DCPS: variants seen among roughly 807,000 people sequenced by gnomAD.
The protein encoded by DCPS is m7GpppX diphosphatase.
In DCPS, 27 loss-of-function variants were observed where a neutral mutation model predicts 34.7. The observed-to-expected ratio is 0.78, with a 90% confidence interval of 0.57 to 1.07. The LOEUF (loss-of-function observed/expected upper bound fraction) is 1.07. DCPS is among the 50% of genes least tolerant of loss of function. DCPS has a pLI of 0.00. For missense variants in DCPS, 464 were observed against 436.9 expected, an observed-to-expected ratio of 1.06 and a Z score of -0.55; for synonymous variants, 185 against 185.7, an observed-to-expected ratio of 1.00 and a Z score of 0.03.
Position 126,313,211 on chromosome 11 carries a change from G to C in DCPS, c.376+6467G>C, listed in dbSNP as rs1018621508. On this transcript the variant is annotated intron_variant, in intron 2 of 5. Transcript: ENST00000263579. This position sits in a 1 kb window ranked among gnomAD's most constrained non-coding sequence, Gnocchi z 4.9. ...AGGCATTTGTGAGTGAGGCCAGGGCGGGGAGCAGAGGGGTGGGATCCTGGG... is the reference window on the plus strand; with the variant it reads ...AGGCATTTGTGAGTGAGGCCAGGGCCGGGAGCAGAGGGGTGGGATCCTGGG... Among the ~76,000 whole-genome samples the C allele has an allele frequency of 3.3e-5, 5 of 152,156 alleles. No individual in the cohort carries two copies. The highest frequency in any genetic ancestry group is 1.2e-4 in the African/African-American group (5 of 41,420).
intron 4 of DCPS, chr11:126,341,466 C>T (rs1313924869): frequency 6.6e-6 from 1 of 152,236 alleles, no homozygotes; most frequent in Non-Finnish European, 1.5e-5. Flanking sequence ...CCCTCCCTTA[C>T]CCAGCCTGTG....
At chr11:126,314,279 C>T (rs892684336) in intron 2 of DCPS, among the ~76,000 whole-genome samples, 3 of 152,242 alleles carry the variant, frequency 2.0e-5, no homozygotes, top group African/African-American at 7.2e-5. Flanking sequence ...CATGATCTCA[C>T]TCTTTCTTAT....
Position 126,349,588 on chromosome 11 carries a change from C to G in DCPS, c.*3975C>G, listed in dbSNP as rs758940132. Among the ~76,000 whole-genome samples the G allele has an allele frequency of 3.3e-5, 5 of 152,172 alleles. No individual in the cohort carries two copies. Among genetic ancestry groups the G allele is most frequent in the Non-Finnish European group, 5.9e-5 (4 of 68,042 alleles). On this transcript the variant is annotated 3_prime_UTR_variant, in exon 6 of 6. Transcript: ENST00000263579. The surrounding 1 kb of genome is among the most constrained non-coding windows in gnomAD (Gnocchi z 5.4). ...TCCCTGTTGAATACAGATCCCCGAA[C>G]TGAGAAATAAGAAACAACTACATAC...
rs1951972486 is a variant in DCPS, at chr11:126,349,580, T to A, written c.*3967T>A. 6.6e-6 allele frequency among the ~76,000 whole-genome samples: 1 copy of A among 152,134 alleles called. No homozygotes were observed. The highest frequency in any genetic ancestry group is 1.9e-4 in the East Asian group (1 of 5,190). On this transcript the variant is annotated 3_prime_UTR_variant, in exon 6 of 6. Coordinates refer to ENST00000263579, the MANE Select transcript of DCPS (RefSeq NM_014026.6). This position sits in a 1 kb window ranked among gnomAD's most constrained non-coding sequence, Gnocchi z 5.4. ...ATTCCATGTCCCTGTTGAATACAGA[T>A]CCCCGAACTGAGAAATAAGAAACAA...
At chr11:126,316,657 T>TTC (rs1555073263) in intron 2 of DCPS, among the ~76,000 whole-genome samples, 3 of 151,580 alleles carry the variant, frequency 2.0e-5, no homozygotes, top group African/African-American at 7.3e-5. Context: ...TTTTTTTTTT[T>TTC]TCATGTTTTT....
rs1032898272 is a variant in DCPS at position 126,347,594 on chromosome 11, C to G, written c.*1981C>G. Among the ~76,000 whole-genome samples, 19 of 152,220 alleles carry G rather than the reference C, an allele frequency of 1.2e-4. No homozygotes were observed. In the East Asian group the frequency reaches 1.3e-3, roughly 11 times the overall value. On this transcript the variant is annotated 3_prime_UTR_variant, in exon 6 of 6. Coordinates refer to ENST00000263579, the MANE Select transcript of DCPS (RefSeq NM_014026.6). This position sits in a 1 kb window ranked among gnomAD's most constrained non-coding sequence, Gnocchi z 4.2. The stretch of plus-strand genomic sequence containing the variant: ...CAGCCAAGGAACTTTGAGGTAGTGA[C>G]CAATGCAGGGAGGTCTGACAGAGAA...
chr11:126,330,465 T>C (rs754242020), intron 2 of DCPS, among the ~76,000 whole-genome samples: 5 of 151,918 alleles, frequency 3.3e-5, no homozygotes, highest in Non-Finnish European at 5.9e-5. Flanking sequence ...CCTCCCAGCC[T>C]TATGACACAG....
chr11:126,304,704 A>G (rs190538124), intron 1 of DCPS, among the ~76,000 whole-genome samples: 74 of 152,362 alleles, frequency 4.9e-4, no homozygotes, highest in African/African-American at 1.7e-3. Context: ...CAGCCGTAAC[A>G]GGAGAACAAT....
At position 126,334,912 on chromosome 11, in the gene DCPS, C is replaced by G. The variant is rs973190397; in HGVS notation, c.522+3362C>G. On this transcript the variant is annotated intron_variant, in intron 3 of 5. Coordinates refer to ENST00000263579, the MANE Select transcript of DCPS (RefSeq NM_014026.6). This position sits in a 1 kb window ranked among gnomAD's most constrained non-coding sequence, Gnocchi z 5.5. The stretch of plus-strand genomic sequence containing the variant: ...TTCTCAGTCTGTCATCTAAGAGCAG[C>G]GTGACATTGTCCTTAATTTCGGAGC... 6.6e-6 allele frequency among the ~76,000 whole-genome samples: 1 copy of G among 152,220 alleles called. No homozygotes were observed. The highest frequency in any genetic ancestry group is 1.5e-5 in the Non-Finnish European group (1 of 68,038).
At position 126,343,357 on chromosome 11, in the gene DCPS, C is replaced by G. The variant is rs1342214420; in HGVS notation, c.687C>G (p.Ser229=). 6.2e-7 allele frequency: 1 copy of G among 1,613,856 alleles called. No homozygotes were observed. Among genetic ancestry groups the G allele is most frequent in the Admixed American group, 1.7e-5 (1 of 59,966 alleles). The change falls in exon 5 of 6, where the codon TCC becomes TCG. Residue 229 remains serine (S), a synonymous_variant. Transcript: ENST00000263579. ...TCTGCCATCGCCGGGGCATCAGATC[C>G]CTACGCGACCTTACTCCGGAGCACT... ...IAICHRRGIR[S]LRDLTPEHLP...
rs987563655 is a variant in DCPS at position 126,315,180 on chromosome 11, A to G, written c.376+8436A>G. Among the ~76,000 whole-genome samples the G allele has an allele frequency of 5.9e-5, 9 of 152,088 alleles. No homozygotes were observed. Among genetic ancestry groups the G allele is most frequent in the African/African-American group, 1.7e-4 (7 of 41,344 alleles). On this transcript the variant is annotated intron_variant, in intron 2 of 5. Transcript: ENST00000263579. The surrounding 1 kb of genome is among the most constrained non-coding windows in gnomAD (Gnocchi z 6.1). ...TTACCTGGGTGATGAAATAGTCTCT[A>G]TGCCAAACCCCTGCGAGACAATTTA...
rs1951698554 is a variant in DCPS, at chr11:126,320,584, CTTGAGCCCAAGAGT to C, written c.377-10815_377-10802del. Among the ~76,000 whole-genome samples, 3 of 152,180 alleles carry C rather than the reference CTTGAGCCCAAGAGT, an allele frequency of 2.0e-5. No individual in the cohort carries two copies. Among genetic ancestry groups the C allele is most frequent in the African/African-American group, 7.2e-5 (3 of 41,446 alleles). The stretch of plus-strand genomic sequence containing the variant: ...TTGGGAGGCCAAGGTGGGTGGATTG[CTTGAGCCCAAGAGT>C]TTGAGACCATCCTGGGCAACGTGGC... On this transcript the variant is annotated intron_variant, in intron 2 of 5. Transcript: ENST00000263579. The surrounding 1 kb of genome is among the most constrained non-coding windows in gnomAD (Gnocchi z 4.7).
At chr11:126,321,252 C>CA (rs776121972) in intron 2 of DCPS, among the ~76,000 whole-genome samples, 1,946 of 97,520 alleles carry the variant, frequency 0.02, 27 homozygotes, top group East Asian at 0.058. Flanking sequence ...GACCTTGTCT[C>CA]AAAAAAAAAA....
intron 4 of DCPS, among the ~76,000 whole-genome samples, chr11:126,339,645 C>G (rs561459617): frequency 2.0e-5 from 3 of 152,340 alleles, no homozygotes; most frequent in Admixed American, 2.0e-4. Context: ...AGAGGGCTCT[C>G]CTTGTGTGGG....
In DCPS at chr11:126,333,975, T is replaced by C. The variant is rs1455650430; in HGVS notation, c.522+2425T>C. 6.6e-6 allele frequency among the ~76,000 whole-genome samples: 1 copy of C among 152,096 alleles called. No individual in the cohort carries two copies. The highest frequency in any genetic ancestry group is 1.5e-5 in the Non-Finnish European group (1 of 68,032). ...TAAACGGTTTTAAGCATGTGGATGA[T>C]ATGGCCCGATTTGCAGAATTAATTG... is the stretch of plus-strand genomic sequence containing the variant. On this transcript the variant is annotated intron_variant, in intron 3 of 5. Transcript: ENST00000263579. This position sits in a 1 kb window ranked among gnomAD's most constrained non-coding sequence, Gnocchi z 5.7.
In DCPS at chr11:126,319,671, G is replaced by A. The variant is rs1357550235; in HGVS notation, c.377-11734G>A. Among the ~76,000 whole-genome samples, 2 of 152,134 alleles carry A rather than the reference G, an allele frequency of 1.3e-5. No homozygotes were observed. The highest frequency in any genetic ancestry group is 2.9e-5 in the Non-Finnish European group (2 of 68,026). Reference sequence around the variant, plus strand: ...CTGACAGCTGTTTACGTGTCTCTAGGAAGAATTGGAACTAGTCATGTTTCT... The same window carrying A: ...CTGACAGCTGTTTACGTGTCTCTAGAAAGAATTGGAACTAGTCATGTTTCT... On this transcript the variant is annotated intron_variant, in intron 2 of 5. Transcript: ENST00000263579. The surrounding 1 kb of genome is among the most constrained non-coding windows in gnomAD (Gnocchi z 4.5).
chr11:126,315,044 G>A lies in DCPS; in HGVS notation c.376+8300G>A, dbSNP rs1337007911. Among the ~76,000 whole-genome samples, 1 of 152,040 alleles carries A rather than the reference G, an allele frequency of 6.6e-6. No homozygotes were observed. Among genetic ancestry groups the A allele is most frequent in the Non-Finnish European group, 1.5e-5 (1 of 68,026 alleles). On this transcript the variant is annotated intron_variant, in intron 2 of 5. Coordinates refer to ENST00000263579, the MANE Select transcript of DCPS (RefSeq NM_014026.6). This position sits in a 1 kb window ranked among gnomAD's most constrained non-coding sequence, Gnocchi z 6.1. ...AGACACATGCACACATATGTTCATTGTAGAGCTATTCATGATAGCAAAGAC... is the reference window on the plus strand; with the variant it reads ...AGACACATGCACACATATGTTCATTATAGAGCTATTCATGATAGCAAAGAC...
In DCPS at chr11:126,348,720, A is replaced by C. The variant is rs1951960581; in HGVS notation, c.*3107A>C. On this transcript the variant is annotated 3_prime_UTR_variant, in exon 6 of 6. Coordinates refer to ENST00000263579, the MANE Select transcript of DCPS (RefSeq NM_014026.6). This position sits in a 1 kb window ranked among gnomAD's most constrained non-coding sequence, Gnocchi z 5.3. ...ATTTGTGAGTTTCTCCGCTTTCCTC[A>C]CTAGACTGAGAGGGTCTTGAGGGTA... Among the ~76,000 whole-genome samples the C allele has an allele frequency of 6.6e-6, 1 of 152,168 alleles. No individual in the cohort carries two copies. Among genetic ancestry groups the C allele is most frequent in the African/African-American group, 2.4e-5 (1 of 41,432 alleles).
Position 126,329,598 on chromosome 11 carries a change from T to A in DCPS, c.377-1807T>A, listed in dbSNP as rs1466649212. 6.6e-6 allele frequency among the ~76,000 whole-genome samples: 1 copy of A among 152,154 alleles called. No individual in the cohort carries two copies. Among genetic ancestry groups the A allele is most frequent in the African/African-American group, 2.4e-5 (1 of 41,438 alleles). ...CATCTCTGTGCATCCCCACTGGGACTTGGAAGTAGAAATTGGAAGTAGCCT... is the reference window on the plus strand; with the variant it reads ...CATCTCTGTGCATCCCCACTGGGACATGGAAGTAGAAATTGGAAGTAGCCT... On this transcript the variant is annotated intron_variant, in intron 2 of 5. Coordinates refer to ENST00000263579, the MANE Select transcript of DCPS (RefSeq NM_014026.6). This position sits in a 1 kb window ranked among gnomAD's most constrained non-coding sequence, Gnocchi z 5.0.
Sources: allele counts gnomAD v4.1 joint callset (sites outside exome capture counted in the v4.1 genomes callset), GRCh38; gene constraint gnomAD v4.1.1; non-coding constraint Gnocchi (gnomAD v3.1); transcripts MANE v1.5; gene names NCBI Gene and HGNC (gene_info 2026-07-23, HGNC 2026-07-21).